The following PCDHA9 variants were observed in gnomAD, a reference collection of about 807,000 sequenced individuals.
The protein encoded by PCDHA9 is protocadherin alpha 9, also known as protocadherin alpha-9.
Under a neutral mutation model 62.0 loss-of-function variants are expected in PCDHA9, and 62 were observed. The observed-to-expected ratio is 1.00, with a 90% CI of 0.81 to 1.23. The LOEUF is 1.23. Among genes scored for constraint, PCDHA9 ranks in the 50% most tolerant of loss-of-function variants. The probability of loss-of-function intolerance (pLI) is 0.00; values close to 1 mark genes in which losing one functional copy is unlikely to be tolerated. For missense variants in PCDHA9, 1,205 were observed against 1,249.8 expected (o/e 0.96, Z 0.54); for synonymous variants, 557 against 567.6 (o/e 0.98, Z 0.27).
chr5:141,009,732 A>G lies in PCDHA9; in HGVS notation c.2648A>G (p.Glu883Gly). ...AACCCCAAACAATCCGGTCCCGGTG[A>G]GTTGCCCGACAAATTCATTATCCCA... is the stretch of plus-strand genomic sequence containing the variant. Reference protein sequence around the residue: ...PGNPKQSGPGELPDKFIIPGS... With the variant: ...PGNPKQSGPGGLPDKFIIPGS... Residue 883 changes from glutamate to glycine, a missense_variant, in exon 4 of 4, where the codon GAG becomes GGG. Transcript: ENST00000532602. The G allele has an allele frequency of 6.2e-7, 1 of 1,614,168 alleles. No individual in the cohort carries two copies. Among genetic ancestry groups the G allele is most frequent in the Non-Finnish European group, 8.5e-7 (1 of 1,180,032 alleles).
chr5:140,883,621 C>G (rs368758287), intron 1 of PCDHA9: 2 of 1,613,850 alleles, frequency 1.2e-6, no homozygotes, highest in African/African-American at 2.7e-5. Flanking sequence ...TGAACGACAA[C>G]GCGCCGGCGT....
chr5:140,958,810 G>C (rs2095443726), intron 1 of PCDHA9, among the ~76,000 whole-genome samples: 1 of 151,988 alleles, frequency 6.6e-6, no homozygotes, highest in African/African-American at 2.4e-5. Flanking sequence ...ACACCATTCT[G>C]TTTTAATTTT....
intron 1 of PCDHA9, among the ~76,000 whole-genome samples, chr5:140,879,820 T>C (rs917285977): frequency 6.6e-6 from 1 of 152,232 alleles, no homozygotes; most frequent in Non-Finnish European, 1.5e-5. Flanking sequence ...CTGTTGGTGT[T>C]CCCTGGCTTG....
intron 1 of PCDHA9, chr5:140,860,372 C>A (rs1315450697): frequency 1.3e-5 from 2 of 151,984 alleles, no homozygotes; most frequent in Non-Finnish European, 2.9e-5. Flanking sequence ...CAAAGTGAGA[C>A]CCTATTTCAA....
At chr5:140,931,021 G>C (rs2153606770) in intron 1 of PCDHA9, among the ~76,000 whole-genome samples, 1 of 152,272 alleles carries the variant, frequency 6.6e-6, no homozygotes, top group Admixed American at 6.5e-5. Flanking sequence ...GGAATTTTCT[G>C]ATTGTAGAGC....
intron 1 of PCDHA9, among the ~76,000 whole-genome samples, chr5:140,917,823 G>A (rs1167187844): frequency 6.6e-5 from 10 of 151,920 alleles, no homozygotes; most frequent in African/African-American, 1.9e-4. Context: ...AAGTTGGGTA[G>A]TGTGATGTCC....
At chr5:141,000,413 ATATATATATTT>A (rs1563651437) in intron 3 of PCDHA9, among the ~76,000 whole-genome samples, 3 of 93,258 alleles carry the variant, frequency 3.2e-5, no homozygotes, top group African/African-American at 1.4e-4. Flanking sequence ...ATATATATAT[ATATATATATTT>A]TTTTTTTTTT....
chr5:140,936,016 C>G (rs1170221921), intron 1 of PCDHA9, among the ~76,000 whole-genome samples: 1 of 151,732 alleles, frequency 6.6e-6, no homozygotes, highest in Non-Finnish European at 1.5e-5. Context: ...CCTCAGCCTC[C>G]CGAGTAGCGG....
intron 1 of PCDHA9, among the ~76,000 whole-genome samples, chr5:140,912,788 A>G (rs1467959281): frequency 6.6e-6 from 1 of 152,104 alleles, no homozygotes; most frequent in East Asian, 1.9e-4. Context: ...CTTCTATGCC[A>G]ATTTTCTTGA....
At chr5:140,853,279 A>G (rs1197350918) in intron 1 of PCDHA9, 3 of 979,360 alleles carry the variant, frequency 3.1e-6, no homozygotes, top group Non-Finnish European at 3.7e-6. Flanking sequence ...CTCTCATCAT[A>G]TGCAAATTCT....
At position 140,950,434 on chromosome 5, in the gene PCDHA9, A is replaced by G. The variant is rs554490421; in HGVS notation, c.2395-28515A>G. Among the ~76,000 whole-genome samples, 4 of 152,176 alleles carry G rather than the reference A, an allele frequency of 2.6e-5. No homozygotes were observed. The South Asian group carries it at 8.3e-4, about 32-fold the overall frequency. On this transcript the variant is annotated intron_variant, in intron 1 of 3. Transcript: ENST00000532602. ...AGATTTTATTTTCTTCCACTTAAAA[A>G]AAATGTTATTCTACTGTCTTCTAAT...
intron 1 of PCDHA9, among the ~76,000 whole-genome samples, chr5:140,942,794 A>C (rs782783696): frequency 2.6e-4 from 39 of 152,326 alleles, no homozygotes; most frequent in Middle Eastern, 3.4e-3. Flanking sequence ...TTACAAAGGC[A>C]TGTTTTCCAC....
chr5:140,941,461 G>A (rs1202773112), intron 1 of PCDHA9, among the ~76,000 whole-genome samples: 7 of 150,524 alleles, frequency 4.7e-5, no homozygotes, highest in Non-Finnish European at 7.4e-5. Context: ...GATTACAGGC[G>A]CCCACCACCA....
intron 1 of PCDHA9, chr5:140,864,855 T>G (rs1173322611): frequency 1.3e-5 from 2 of 152,178 alleles, no homozygotes; most frequent in African/African-American, 4.8e-5. Flanking sequence ...CCATACATGA[T>G]GAAGGGTGAT....
chr5:140,884,192 G>A, intron 1 of PCDHA9: 1 of 1,613,428 alleles, frequency 6.2e-7, no homozygotes, highest in Non-Finnish European at 8.5e-7. Context: ...CGAGGTGGAC[G>A]CGCCGCACCA....
chr5:141,010,432 CAA>C lies in PCDHA9; in HGVS notation c.*497_*498del. The C allele has an allele frequency of 8.5e-6, 9 of 1,056,970 alleles. No individual in the cohort carries two copies. The highest frequency in any genetic ancestry group is 1.2e-5 in the Non-Finnish European group (9 of 756,282). 65.5% of individuals were successfully genotyped at this position (1,056,970 alleles called of 1,614,324 possible). A position where few individuals can be genotyped will look rare whatever the true frequency, so the allele number is the denominator to read the frequency against. On this transcript the variant is annotated 3_prime_UTR_variant, in exon 4 of 4. Coordinates refer to ENST00000532602, the MANE Select transcript of PCDHA9 (RefSeq NM_031857.2). Reference sequence around the variant, plus strand: ...AATTGGTACAAGGAAGGCAAGAAAACAAAGACAAATAAACAGCGGAAGTTATC... The same window carrying C: ...AATTGGTACAAGGAAGGCAAGAAAACAGACAAATAAACAGCGGAAGTTATC...
intron 1 of PCDHA9, among the ~76,000 whole-genome samples, chr5:140,898,622 A>G (rs1286354840): frequency 7.9e-5 from 12 of 152,290 alleles, no homozygotes; most frequent in African/African-American, 2.6e-4. Context: ...GTCAGGTAGC[A>G]TAATGCCTCC....
At chr5:140,876,950 C>A in intron 1 of PCDHA9, 1 of 1,613,514 alleles carries the variant, frequency 6.2e-7, no homozygotes, top group Non-Finnish European at 8.5e-7. Context: ...GTGTCCTACT[C>A]GCTGGTGGAG....
At chr5:140,897,086 T>G (rs527763854) in intron 1 of PCDHA9, among the ~76,000 whole-genome samples, 379 of 152,296 alleles carry the variant, frequency 2.5e-3, no homozygotes, top group African/African-American at 8.4e-3. Context: ...TTCTATTTTT[T>G]ATCCTCATTA....
Sources: allele counts gnomAD v4.1 joint callset (sites outside exome capture counted in the v4.1 genomes callset), GRCh38; gene constraint gnomAD v4.1.1; transcripts MANE v1.5; gene names NCBI Gene and HGNC (gene_info 2026-07-23, HGNC 2026-07-21).